The following LGR6 variants were observed in gnomAD, a reference collection of about 807,000 sequenced individuals.
LGR6 encodes leucine rich repeat containing G protein-coupled receptor 6.
A neutral mutation model predicts 69.4 loss-of-function variants in LGR6; 45 were observed. That is an observed-to-expected ratio of 0.65 (90% CI 0.51 to 0.83). The LOEUF (loss-of-function observed/expected upper bound fraction) is 0.83. LGR6 is among the 40% of genes least tolerant of loss of function. The probability of loss-of-function intolerance (pLI) is 0.00; values close to 1 mark genes in which losing one functional copy is unlikely to be tolerated. For synonymous variants in LGR6, 538 were observed against 555.0 expected (o/e 0.97, Z 0.43); for missense variants, 1,108 against 1,246.7 (o/e 0.89, Z 1.68).
At chr1:202,211,726 T>TG in intron 1 of LGR6, among the ~76,000 whole-genome samples, 2 of 152,296 alleles carry the variant, frequency 1.3e-5, no homozygotes, top group Non-Finnish European at 2.9e-5. Flanking sequence ...CATAAGTGTA[T>TG]AGCTTGGTAC....
chr1:202,195,615 C>T (rs1658611743), intron 1 of LGR6, among the ~76,000 whole-genome samples: 1 of 152,218 alleles, frequency 6.6e-6, no homozygotes. Context: ...CAAAGCAGGG[C>T]AGGCTCCGGC....
In LGR6 at chr1:202,310,346, C is replaced by A. The variant is rs1315797366; in HGVS notation, c.1556C>A (p.Ala519Glu). The A allele has an allele frequency of 6.2e-7, 1 of 1,613,468 alleles. No homozygotes were observed. The highest frequency in any genetic ancestry group is 1.7e-5 in the Admixed American group (1 of 59,988). Residue 519 changes from alanine (A) to glutamate (E), a missense_variant, in exon 16 of 18, where the codon GCA (alanine) becomes GAA (glutamate). Physicochemically the swap from Ala to Glu is moderately radical, Grantham distance 107. Coordinates refer to ENST00000367278, the MANE Select transcript of LGR6 (RefSeq NM_001017403.2). ...KRPLGLLARQ[A>E]ENHYDQDLDE... ...CCCCTGGGCCTCCTTGCCAGACAAG[C>A]AGAGAACCACTGTGAGTGACCAGGG... is the stretch of plus-strand genomic sequence containing the variant.
chr1:202,204,694 C>T (rs1364552990), intron 1 of LGR6, among the ~76,000 whole-genome samples: 9 of 11,058 alleles, frequency 8.1e-4, no homozygotes, highest in East Asian at 4.1e-3. Context: ...CACACACCCC[C>T]AAACACACAC....
At chr1:202,308,295 T>C (rs1429040404) in intron 14 of LGR6, among the ~76,000 whole-genome samples, 1 of 152,136 alleles carries the variant, frequency 6.6e-6, no homozygotes, top group African/African-American at 2.4e-5. Flanking sequence ...TCCTGCCAGA[T>C]AGGTAGGGTG....
chr1:202,251,653 G>A (rs376339131), intron 4 of LGR6, among the ~76,000 whole-genome samples: 9 of 152,162 alleles, frequency 5.9e-5, no homozygotes, highest in Non-Finnish European at 7.4e-5. Context: ...TGGGCTCCTC[G>A]GGGAGCCACC....
chr1:202,246,756 C>T (rs1662741566), intron 4 of LGR6, among the ~76,000 whole-genome samples: 1 of 152,076 alleles, frequency 6.6e-6, no homozygotes, highest in Admixed American at 6.6e-5. Flanking sequence ...CCGGGTGAAG[C>T]CCAGTGTGTG....
At chr1:202,307,016 C>A in intron 13 of LGR6, 77 bp downstream of exon 13, 1 of 1,274,812 alleles carries the variant, frequency 7.8e-7, no homozygotes, top group Non-Finnish European at 1.1e-6. Context: ...TGTCATAGCA[C>A]ATGTGTACAA....
intron 3 of LGR6, among the ~76,000 whole-genome samples, chr1:202,234,737 G>A (rs1379363452): frequency 1.3e-5 from 2 of 152,186 alleles, no homozygotes; most frequent in East Asian, 3.9e-4. Context: ...CCAGGACCTG[G>A]CACATTAGCC....
chr1:202,275,265 G>A (rs1454628569), intron 4 of LGR6, among the ~76,000 whole-genome samples: 1 of 152,182 alleles, frequency 6.6e-6, no homozygotes, highest in African/African-American at 2.4e-5. Context: ...GGAAAGTCCA[G>A]CAATAGATCC....
At chr1:202,213,190 C>T (rs1456681164) in intron 1 of LGR6, among the ~76,000 whole-genome samples, 1 of 152,166 alleles carries the variant, frequency 6.6e-6, no homozygotes, top group East Asian at 1.9e-4. Flanking sequence ...TCTGGTCCAG[C>T]CAGGGCATCA....
chr1:202,228,278 C>T (rs1660726271), intron 3 of LGR6, among the ~76,000 whole-genome samples: 1 of 152,190 alleles, frequency 6.6e-6, no homozygotes, highest in African/African-American at 2.4e-5. Context: ...GTATAATGAC[C>T]ATCGACATAG....
At chr1:202,257,096 A>G (rs1219157513) in intron 4 of LGR6, among the ~76,000 whole-genome samples, 6 of 152,172 alleles carry the variant, frequency 3.9e-5, no homozygotes, top group Non-Finnish European at 8.8e-5. Flanking sequence ...TTCTTTATAT[A>G]TTAAAGACAT....
intron 1 of LGR6, among the ~76,000 whole-genome samples, chr1:202,198,688 T>G (rs1869107): frequency 0.58 from 84,071 of 144,728 alleles, 24,544 homozygotes; most frequent in South Asian, 0.73. Flanking sequence ...TTTTTTTTTT[T>G]TTTTTTTTAA....
chr1:202,286,703 TGGCTTATAGA>T (rs1666416760), intron 6 of LGR6, among the ~76,000 whole-genome samples: 2 of 152,204 alleles, frequency 1.3e-5, no homozygotes, highest in Admixed American at 1.3e-4. Context: ...TAGGGTTTTG[TGGCTTATAGA>T]GGAATTTATT....
rs1049675665 is a variant in LGR6, at chr1:202,193,846, A to ACCGCCG, written c.-132_-127dup. On this transcript the variant is annotated 5_prime_UTR_variant, in exon 1 of 18. Transcript: ENST00000367278. ...CTGACTGCACCGTCCCGGCGCTCCC[A>ACCGCCG]CCGCCGCCGCCGCCGCCCAATAGAG... 2 of 347,580 alleles carry ACCGCCG rather than the reference A, an allele frequency of 5.8e-6. No individual in the cohort carries two copies. The highest frequency in any genetic ancestry group is 4.9e-6 in the Non-Finnish European group (1 of 205,702). The allele number at this position is 347,580 out of a possible 1,614,324, so 21.5% of individuals were successfully genotyped here.
intron 4 of LGR6, among the ~76,000 whole-genome samples, chr1:202,259,965 T>C (rs1307921070): frequency 6.6e-6 from 1 of 152,226 alleles, no homozygotes; most frequent in African/African-American, 2.4e-5. Flanking sequence ...GCTTTTCACT[T>C]GTTTGAGGCA....
rs1368517356 is a variant in LGR6 at position 202,310,183 on chromosome 1, C to A, written c.1407-14C>A. On this transcript the variant is annotated splice_polypyrimidine_tract_variant and intron_variant, in intron 15 of 17. Coordinates refer to ENST00000367278, the MANE Select transcript of LGR6 (RefSeq NM_001017403.2). ...ATGCTGAGGCAGCCAATCAGCCTGC[C>A]TCTCCCCCACCAGGATCCTGGAGGT... The A allele has an allele frequency of 3.7e-6, 6 of 1,612,744 alleles. No individual in the cohort carries two copies. Among genetic ancestry groups the A allele is most frequent in the Non-Finnish European group, 4.2e-6 (5 of 1,179,240 alleles).
chr1:202,256,935 G>A (rs1018186359), intron 4 of LGR6, among the ~76,000 whole-genome samples: 1 of 152,082 alleles, frequency 6.6e-6, no homozygotes, highest in Non-Finnish European at 1.5e-5. Context: ...TCTCGTTGTG[G>A]TTCTGATTTG....
intron 1 of LGR6, 95 bp from the exon 2 acceptor site, chr1:202,225,328 C>A (rs766915237): frequency 4.6e-6 from 5 of 1,088,516 alleles, no homozygotes; most frequent in Non-Finnish European, 4.2e-6. Flanking sequence ...ACTGTGGGAG[C>A]CTCGGAGGTC....
Sources: allele counts gnomAD v4.1 joint callset (sites outside exome capture counted in the v4.1 genomes callset), GRCh38; gene constraint gnomAD v4.1.1; transcripts MANE v1.5; gene names NCBI Gene and HGNC (gene_info 2026-07-23, HGNC 2026-07-21).